PPP1R13B: variants seen among roughly 807,000 people sequenced by gnomAD.
PPP1R13B encodes protein phosphatase 1 regulatory subunit 13B.
A neutral mutation model predicts 119.8 loss-of-function variants in PPP1R13B; 44 were observed. The ratio of observed to expected loss-of-function variants is 0.37; its 90% CI spans 0.29 to 0.47. The LOEUF is 0.47. PPP1R13B is among the 20% of genes least tolerant of loss of function. PPP1R13B has a pLI of 0.99. For synonymous variants in PPP1R13B, 542 were observed against 561.5 expected (o/e 0.97, Z 0.49); for missense variants, 1,227 against 1,413.5 (o/e 0.87, Z 2.12).
At chr14:103,774,428 C>T (rs995001253) in intron 4 of PPP1R13B, among the ~76,000 whole-genome samples, 1 of 152,204 alleles carries the variant, frequency 6.6e-6, no homozygotes, top group Non-Finnish European at 1.5e-5. Context: ...TAGCAAACCA[C>T]GGAACCTGGG....
intron 1 of PPP1R13B, chr14:103,818,534 T>C: frequency 1.0e-6 from 1 of 976,546 alleles, no homozygotes; most frequent in Non-Finnish European, 1.2e-6. Flanking sequence ...ACTAGACAAA[T>C]CATACACCAG....
chr14:103,739,601 A>G (rs2084200339), intron 12 of PPP1R13B, among the ~76,000 whole-genome samples: 1 of 152,220 alleles, frequency 6.6e-6, no homozygotes, highest in Admixed American at 6.5e-5. Context: ...CTGTCTGGGA[A>G]AGGCTTGGCC....
intron 3 of PPP1R13B, 95 bp from the exon 4 acceptor site, chr14:103,778,916 A>T: frequency 1.0e-6 from 1 of 975,334 alleles, no homozygotes; most frequent in Non-Finnish European, 1.6e-6. Context: ...TATTGAACAC[A>T]AGTGTAAAAT....
chr14:103,843,424 A>C (rs2086954264), intron 1 of PPP1R13B, among the ~76,000 whole-genome samples: 1 of 152,104 alleles, frequency 6.6e-6, no homozygotes, highest in Non-Finnish European at 1.5e-5. Flanking sequence ...TCCTTTCTAT[A>C]ATCTAAATTG....
chr14:103,847,047 G>A, intron 1 of PPP1R13B: 1 of 1,034,784 alleles, frequency 9.7e-7, no homozygotes, highest in South Asian at 3.0e-5. Context: ...AAATGCATCT[G>A]CTTCTCCCCG....
chr14:103,747,996 T>C (rs937582349), intron 8 of PPP1R13B, among the ~76,000 whole-genome samples: 1 of 151,776 alleles, frequency 6.6e-6, no homozygotes, highest in African/African-American at 2.4e-5. Flanking sequence ...GCCTCCACGC[T>C]GCCGGCCGCC....
At chr14:103,838,395 T>G (rs1567163441) in intron 1 of PPP1R13B, among the ~76,000 whole-genome samples, 1 of 152,196 alleles carries the variant, frequency 6.6e-6, no homozygotes, top group Non-Finnish European at 1.5e-5. Context: ...CCTGCTCTCA[T>G]GAAGCTCACA....
In PPP1R13B at chr14:103,734,311, C is replaced by G. The variant is rs534841238; in HGVS notation, c.*843G>C. Reference sequence around the variant, plus strand: ...TACCTGGCCCTGGTCTGCCCTCACACCAGTCCACCCCCAGCCCCAACCCCA... The same window carrying G: ...TACCTGGCCCTGGTCTGCCCTCACAGCAGTCCACCCCCAGCCCCAACCCCA... On this transcript the variant is annotated 3_prime_UTR_variant, in exon 17 of 17. Coordinates refer to ENST00000202556, the MANE Select transcript of PPP1R13B (RefSeq NM_015316.3). 1 of 357,630 alleles carries G rather than the reference C, an allele frequency of 2.8e-6. No individual in the cohort carries two copies. The highest frequency in any genetic ancestry group is 5.6e-6 in the Non-Finnish European group (1 of 179,574). 22.2% of individuals were successfully genotyped at this position (357,630 alleles called of 1,614,324 possible).
intron 1 of PPP1R13B, chr14:103,803,939 C>G (rs985868710): frequency 1.6e-6 from 1 of 622,530 alleles, no homozygotes; most frequent in African/African-American, 2.0e-5. Context: ...GCCTCCTCTT[C>G]TCCCCTGCTG....
In PPP1R13B at chr14:103,847,509, C is replaced by T; in HGVS notation, c.-202G>A. The T allele has an allele frequency of 1.0e-6, 1 of 985,100 alleles. No individual in the cohort carries two copies. Among genetic ancestry groups the T allele is most frequent in the Non-Finnish European group, 1.2e-6 (1 of 830,736 alleles). 61.0% of individuals were successfully genotyped at this position (985,100 alleles called of 1,614,324 possible). On this transcript the variant is annotated 5_prime_UTR_variant, in exon 1 of 17. Transcript: ENST00000202556. ...CCGCCGGCGCGCTGCGTCGCTGTCC[C>T]GGGCACCCGGCCGCCGCCGCCGCCG...
chr14:103,800,053 AAAATAAAT>A (rs570824165), intron 1 of PPP1R13B, among the ~76,000 whole-genome samples: 1 of 151,844 alleles, frequency 6.6e-6, no homozygotes, highest in Non-Finnish European at 1.5e-5. Flanking sequence ...CTCTATCTCA[AAAATAAAT>A]AAATAAATAA....
intron 1 of PPP1R13B, among the ~76,000 whole-genome samples, chr14:103,844,541 C>T (rs2086983257): frequency 6.6e-6 from 1 of 151,840 alleles, no homozygotes; most frequent in Admixed American, 6.6e-5. Flanking sequence ...GTCAGCCTGC[C>T]CAACATAGTG....
chr14:103,784,130 T>C (rs980662744), intron 3 of PPP1R13B, among the ~76,000 whole-genome samples: 3 of 152,106 alleles, frequency 2.0e-5, no homozygotes, highest in African/African-American at 7.2e-5. Flanking sequence ...GAGCTGAGAT[T>C]GTGCCACTGT....
At chr14:103,773,258 G>T (rs1032443230) in intron 4 of PPP1R13B, among the ~76,000 whole-genome samples, 1 of 151,996 alleles carries the variant, frequency 6.6e-6, no homozygotes, top group Non-Finnish European at 1.5e-5. Flanking sequence ...GAGACAAGGA[G>T]AATAAAATGA....
intron 2 of PPP1R13B, among the ~76,000 whole-genome samples, chr14:103,793,960 C>G (rs533872979): frequency 6.6e-6 from 1 of 152,290 alleles, no homozygotes; most frequent in African/African-American, 2.4e-5. Flanking sequence ...ATGAAGAGAT[C>G]AAAGTGGCCC....
chr14:103,746,693 A>G, intron 8 of PPP1R13B, 140 bp from the exon 9 acceptor site: 1 of 655,836 alleles, frequency 1.5e-6, no homozygotes, highest in Non-Finnish European at 2.4e-6. Flanking sequence ...TGGAAAGATC[A>G]GCATCTAGAA....
chr14:103,740,162 T>A lies in PPP1R13B; in HGVS notation c.2254A>T (p.Met752Leu). 1 of 1,613,658 alleles carries A rather than the reference T, an allele frequency of 6.2e-7. No individual in the cohort carries two copies. The highest frequency in any genetic ancestry group is 1.7e-5 in the Admixed American group (1 of 60,018). Residue 752 changes from methionine (M) to leucine (L), a missense_variant, in exon 12 of 17, where the codon ATG becomes TTG. Physicochemically the swap from Met to Leu is conservative, Grantham distance 15. Coordinates refer to ENST00000202556, the MANE Select transcript of PPP1R13B (RefSeq NM_015316.3). This position sits in a 1 kb window ranked among gnomAD's most constrained non-coding sequence, Gnocchi z 4.6. ...TTGTCCACATCGGCCAAGGTGCCCA[T>A]GAAGTCCTGGGAGGGGCTGGGCTGG... ...FYQPSPSQDF[M>L]GTLADVDNGN...
At chr14:103,764,588 G>T in intron 4 of PPP1R13B, 1 of 179,350 alleles carries the variant, frequency 5.6e-6, no homozygotes, top group South Asian at 9.1e-5. Flanking sequence ...AAGTTGATAT[G>T]AAAGTTTCAA....
intron 1 of PPP1R13B, among the ~76,000 whole-genome samples, chr14:103,814,305 C>A (rs1388905772): frequency 6.6e-6 from 1 of 152,060 alleles, no homozygotes; most frequent in African/African-American, 2.4e-5. Flanking sequence ...GCCGAGATTG[C>A]CCCACTGCAC....
Sources: allele counts gnomAD v4.1 joint callset (sites outside exome capture counted in the v4.1 genomes callset), GRCh38; gene constraint gnomAD v4.1.1; non-coding constraint Gnocchi (gnomAD v3.1); transcripts MANE v1.5; gene names NCBI Gene and HGNC (gene_info 2026-07-23, HGNC 2026-07-21).